The following TMTC1 variants were observed in gnomAD, a reference collection of about 807,000 sequenced individuals.
The protein encoded by TMTC1 is protein O-mannosyl-transferase TMTC1.
TMTC1 carries 73 observed loss-of-function variants against 104.8 expected under a neutral mutation model. That is an observed-to-expected ratio of 0.70 (90% CI 0.58 to 0.85). The LOEUF is 0.85. Among genes scored for constraint, TMTC1 ranks in the 40% least tolerant of loss-of-function variants. TMTC1 has a pLI of 0.00. For missense variants in TMTC1, 1,035 were observed against 1,096.1 expected (o/e 0.94, Z 0.79); for synonymous variants, 434 against 428.7 (o/e 1.01, Z -0.15).
chr12:29,556,712 G>T, intron 10 of TMTC1, 145 bp downstream of exon 10: 1 of 848,698 alleles, frequency 1.2e-6, no homozygotes. Context: ...AAATTGAGAT[G>T]CATGTTACAC....
At chr12:29,712,336 T>C (rs1313630207) in intron 5 of TMTC1, among the ~76,000 whole-genome samples, 1 of 152,230 alleles carries the variant, frequency 6.6e-6, no homozygotes, top group African/African-American at 2.4e-5. Context: ...GCTGTCTTAA[T>C]AAGAATTAAT....
intron 5 of TMTC1, among the ~76,000 whole-genome samples, chr12:29,644,379 G>C (rs1180018459): frequency 6.6e-6 from 1 of 151,448 alleles, no homozygotes; most frequent in South Asian, 2.1e-4. Flanking sequence ...TGTGAGAGGG[G>C]CGAGGGATAA....
In TMTC1 at chr12:29,613,541, C is replaced by T. The variant is rs182737114; in HGVS notation, c.1129-9242G>A. Among the ~76,000 whole-genome samples, 11 of 152,324 alleles carry T rather than the reference C, an allele frequency of 7.2e-5. No homozygotes were observed. In the East Asian group the frequency reaches 1.4e-3, roughly 19 times the overall value. ...CAGAATCCTAGGTCAAGAACTCTAA[C>T]TTAATAAGGGGACCTAGTGTGGAAG... On this transcript the variant is annotated intron_variant, in intron 6 of 17. Coordinates refer to ENST00000539277, the MANE Select transcript of TMTC1 (RefSeq NM_001193451.2).
rs540036263 is a variant in TMTC1, at chr12:29,702,585, A to G, written c.938+49081T>C. Among the ~76,000 whole-genome samples the G allele has an allele frequency of 1.3e-4, 20 of 152,302 alleles. No individual in the cohort carries two copies. The South Asian group carries it at 3.9e-3, about 30-fold the overall frequency. On this transcript the variant is annotated intron_variant, in intron 5 of 17. Coordinates refer to ENST00000539277, the MANE Select transcript of TMTC1 (RefSeq NM_001193451.2). ...TGCAGCTTTTACAACCCAATCTCAGAAATGACGTTCCACCACCGCTTTTCC... is the reference window on the plus strand; with the variant it reads ...TGCAGCTTTTACAACCCAATCTCAGGAATGACGTTCCACCACCGCTTTTCC...
At chr12:29,510,629 G>A (rs934824419) in intron 17 of TMTC1, among the ~76,000 whole-genome samples, 1 of 152,182 alleles carries the variant, frequency 6.6e-6, no homozygotes, top group East Asian at 1.9e-4. Flanking sequence ...TTGTGTAATC[G>A]TAGGTCATCT....
At chr12:29,595,274 T>G (rs1196383319) in intron 7 of TMTC1, among the ~76,000 whole-genome samples, 3 of 152,200 alleles carry the variant, frequency 2.0e-5, no homozygotes, top group Non-Finnish European at 4.4e-5. Context: ...TCTCTGCACT[T>G]TGTACCCTTG....
At chr12:29,648,657 A>G (rs1207402949) in intron 5 of TMTC1, among the ~76,000 whole-genome samples, 1 of 152,196 alleles carries the variant, frequency 6.6e-6, no homozygotes, top group Non-Finnish European at 1.5e-5. Flanking sequence ...CCAGGAGCAC[A>G]GTGCTTGTTC....
At chr12:29,616,212 C>T (rs1045956321) in intron 6 of TMTC1, among the ~76,000 whole-genome samples, 22 of 152,182 alleles carry the variant, frequency 1.4e-4, no homozygotes, top group African/African-American at 4.3e-4. Context: ...CTGTATGATG[C>T]TGTGACATAT....
At chr12:29,675,129 G>A (rs1940675238) in intron 5 of TMTC1, among the ~76,000 whole-genome samples, 1 of 151,752 alleles carries the variant, frequency 6.6e-6, no homozygotes, top group Non-Finnish European at 1.5e-5. Flanking sequence ...ATTCAGCATG[G>A]TACTTTGTAC....
rs535355385 is a variant in TMTC1, at chr12:29,624,644, A to AC, written c.1128+8502dup. The stretch of plus-strand genomic sequence containing the variant: ...TCTTCCCCAAACAGCCACATGGCTC[A>AC]CCCTTGCACTTCCTTCATGTCTCTG... On this transcript the variant is annotated intron_variant, in intron 6 of 17. Transcript: ENST00000539277. Among the ~76,000 whole-genome samples the AC allele has an allele frequency of 2.0e-3, 304 of 152,228 alleles. 1 individual carries two copies. The highest frequency in any genetic ancestry group is 3.8e-3 in the Non-Finnish European group (261 of 68,020).
chr12:29,762,103 CAGGAGGTAGAGGCTGCAGT>C (rs1233120879), intron 2 of TMTC1, among the ~76,000 whole-genome samples: 1 of 152,070 alleles, frequency 6.6e-6, no homozygotes, highest in Non-Finnish European at 1.5e-5. Flanking sequence ...TGCTTGAGCC[CAGGAGGTAGAGGCTGCAGT>C]GAGCCGAGAT....
chr12:29,657,619 T>C (rs1346581435), intron 5 of TMTC1, among the ~76,000 whole-genome samples: 1 of 149,394 alleles, frequency 6.7e-6, no homozygotes, highest in East Asian at 2.0e-4. Flanking sequence ...AAACATGACA[T>C]AGTTTTTATT....
rs189638303 is a variant in TMTC1 at position 29,662,008 on chromosome 12, G to A, written c.939-28672C>T. ...AGATGATGAAAGGGAATCAAGAGAC[G>A]GTATTAAGAAGCCCCAAATGAAAAC... On this transcript the variant is annotated intron_variant, in intron 5 of 17. Transcript: ENST00000539277. 2.3e-4 allele frequency among the ~76,000 whole-genome samples: 35 copies of A among 152,178 alleles called. 1 individual carries two copies. Among genetic ancestry groups the A allele is most frequent in the African/African-American group, 7.5e-4 (31 of 41,512 alleles).
intron 5 of TMTC1, 117 bp from the exon 6 acceptor site, chr12:29,633,453 G>A: frequency 1.2e-6 from 1 of 830,982 alleles, no homozygotes; most frequent in Non-Finnish European, 1.8e-6. Context: ...TATCTTGGAG[G>A]AGAAGACAAG....
At chr12:29,637,647 C>T (rs1328673232) in intron 5 of TMTC1, among the ~76,000 whole-genome samples, 10 of 152,054 alleles carry the variant, frequency 6.6e-5, no homozygotes, top group African/African-American at 2.4e-4. Flanking sequence ...TGGCTCTTCA[C>T]ATCTAAATTT....
At chr12:29,568,215 G>A (rs1945571568) in intron 9 of TMTC1, among the ~76,000 whole-genome samples, 1 of 152,094 alleles carries the variant, frequency 6.6e-6, no homozygotes, top group Non-Finnish European at 1.5e-5. Flanking sequence ...TTTTGTATAG[G>A]AGCATTAAAA....
intron 7 of TMTC1, among the ~76,000 whole-genome samples, chr12:29,598,924 T>A (rs145333514): frequency 6.7e-4 from 102 of 152,362 alleles, no homozygotes; most frequent in African/African-American, 2.2e-3. Context: ...TTTATTTCTT[T>A]CTCAGTCATT....
At chr12:29,672,347 C>CA in intron 5 of TMTC1, among the ~76,000 whole-genome samples, 1 of 152,186 alleles carries the variant, frequency 6.6e-6, no homozygotes, top group East Asian at 1.9e-4. Flanking sequence ...GGGTCAGTAC[C>CA]CAGGACACTG....
At chr12:29,712,224 G>T (rs1020046890) in intron 5 of TMTC1, among the ~76,000 whole-genome samples, 1 of 152,090 alleles carries the variant, frequency 6.6e-6, no homozygotes, top group East Asian at 1.9e-4. Context: ...TAACACTGTG[G>T]TCGTATATGT....
Sources: allele counts gnomAD v4.1 joint callset (sites outside exome capture counted in the v4.1 genomes callset), GRCh38; gene constraint gnomAD v4.1.1; transcripts MANE v1.5; gene names NCBI Gene and HGNC (gene_info 2026-07-23, HGNC 2026-07-21).